Variants in RNF13 observed in about 807,000 individuals in gnomAD.
The protein encoded by RNF13 is E3 ubiquitin-protein ligase RNF13.
A neutral mutation model predicts 37.7 loss-of-function variants in RNF13; 19 were observed. The observed-to-expected ratio is 0.50, with a 90% confidence interval of 0.35 to 0.74. The LOEUF is 0.74. RNF13 is among the 30% of genes least tolerant of loss of function. RNF13 has a pLI of 0.01. For missense variants in RNF13, 375 were observed against 453.0 expected, an observed-to-expected ratio of 0.83 and a Z score of 1.56; for synonymous variants, 144 against 157.8, an observed-to-expected ratio of 0.91 and a Z score of 0.65.
intron 3 of RNF13, among the ~76,000 whole-genome samples, chr3:149,869,377 G>A (rs1449569277): frequency 2.0e-5 from 3 of 151,540 alleles, no homozygotes; most frequent in Non-Finnish European, 4.4e-5. Context: ...AGGCTGAGGC[G>A]GGCGGATCAC....
intron 1 of RNF13, among the ~76,000 whole-genome samples, chr3:149,832,141 A>G (rs540809873): frequency 3.0e-4 from 46 of 152,330 alleles, no homozygotes; most frequent in African/African-American, 9.6e-4. Flanking sequence ...TACTCTGCCT[A>G]TTCTGTTCGC....
At chr3:149,867,300 C>T (rs904982014) in intron 3 of RNF13, among the ~76,000 whole-genome samples, 3 of 151,556 alleles carry the variant, frequency 2.0e-5, no homozygotes, top group Non-Finnish European at 4.4e-5. Flanking sequence ...GAGTCTTGCT[C>T]TGTCACCCAG....
chr3:149,875,162 A>G (rs770535998), intron 4 of RNF13, among the ~76,000 whole-genome samples: 7 of 152,148 alleles, frequency 4.6e-5, no homozygotes, highest in Non-Finnish European at 8.8e-5. Context: ...AACTCCATAC[A>G]TAATACTACA....
At chr3:149,927,102 CT>C (rs1718730179) in intron 8 of RNF13, among the ~76,000 whole-genome samples, 1 of 152,192 alleles carries the variant, frequency 6.6e-6, no homozygotes, top group South Asian at 2.1e-4. Flanking sequence ...ACTTCTTTAT[CT>C]TCCCAAACTG....
At chr3:149,843,301 G>A (rs1266146790) in intron 1 of RNF13, among the ~76,000 whole-genome samples, 2 of 152,130 alleles carry the variant, frequency 1.3e-5, no homozygotes, top group African/African-American at 4.8e-5. Context: ...TCCGCAGGGA[G>A]TCCTGGAACT....
chr3:149,832,654 G>A (rs1485468018), intron 1 of RNF13, among the ~76,000 whole-genome samples: 1 of 151,984 alleles, frequency 6.6e-6, no homozygotes, highest in Non-Finnish European at 1.5e-5. Context: ...AGTGACTAAA[G>A]AAAACAAGAG....
At chr3:149,860,536 A>G (rs1217663550) in intron 3 of RNF13, among the ~76,000 whole-genome samples, 1 of 151,984 alleles carries the variant, frequency 6.6e-6, no homozygotes, top group East Asian at 1.9e-4. Flanking sequence ...AGTCTCTTCA[A>G]TAAAGAATGC....
chr3:149,926,156 T>C (rs1718623389), intron 8 of RNF13, among the ~76,000 whole-genome samples: 2 of 152,212 alleles, frequency 1.3e-5, no homozygotes, highest in South Asian at 4.1e-4. Context: ...TTTTCTAGTT[T>C]ATGGACCAGA....
chr3:149,946,245 A>G (rs867169324), intron 8 of RNF13, among the ~76,000 whole-genome samples: 4 of 152,250 alleles, frequency 2.6e-5, no homozygotes, highest in Middle Eastern at 3.2e-3. Flanking sequence ...GCTGAAAACC[A>G]TGGCATGAGA....
At position 149,813,241 on chromosome 3, in the gene RNF13, A is replaced by G. The variant is rs1415274663; in HGVS notation, c.-129A>G. On this transcript the variant is annotated 5_prime_UTR_variant, in exon 1 of 10. Transcript: ENST00000392894. ...CCTAGGTGTTGTCGTCCCTGCTAGT[A>G]CTCCGGGCTGTGGGGGTCGGTGCGG... 1.3e-5 allele frequency: 2 copies of G among 151,480 alleles called. No individual in the cohort carries two copies. The highest frequency in any genetic ancestry group is 2.9e-5 in the Non-Finnish European group (2 of 68,108). 9.4% of individuals were successfully genotyped at this position (151,480 alleles called of 1,614,324 possible). A position where few individuals can be genotyped will look rare whatever the true frequency, so the allele number is the denominator to read the frequency against.
chr3:149,918,567 T>C (rs1717784829), intron 7 of RNF13, among the ~76,000 whole-genome samples: 1 of 152,164 alleles, frequency 6.6e-6, no homozygotes, highest in Admixed American at 6.6e-5. Context: ...ATGCAGGGTC[T>C]TGCTCTATCA....
At chr3:149,892,562 G>A (rs1377555017) in intron 4 of RNF13, among the ~76,000 whole-genome samples, 3 of 152,156 alleles carry the variant, frequency 2.0e-5, no homozygotes, top group Non-Finnish European at 4.4e-5. Flanking sequence ...GAAATGGGCC[G>A]CATGGCAGGA....
intron 5 of RNF13, among the ~76,000 whole-genome samples, chr3:149,897,571 A>T (rs1389859673): frequency 6.6e-6 from 1 of 152,140 alleles, no homozygotes; most frequent in Non-Finnish European, 1.5e-5. Context: ...TTGTTCAAAG[A>T]CTGCTCAGAA....
chr3:149,815,811 G>A (rs1171986740), intron 1 of RNF13, among the ~76,000 whole-genome samples: 1 of 152,158 alleles, frequency 6.6e-6, no homozygotes, highest in African/African-American at 2.4e-5. Flanking sequence ...AGCTAATATT[G>A]ATTGGTTAAT....
intron 3 of RNF13, among the ~76,000 whole-genome samples, chr3:149,856,080 A>G (rs1037714021): frequency 6.6e-6 from 1 of 152,164 alleles, no homozygotes; most frequent in African/African-American, 2.4e-5. Flanking sequence ...GTTTACATTT[A>G]AAAGATATGT....
chr3:149,863,206 A>G (rs1377567691), intron 3 of RNF13, among the ~76,000 whole-genome samples: 1 of 152,206 alleles, frequency 6.6e-6, no homozygotes, highest in Non-Finnish European at 1.5e-5. Context: ...TATCAACTTT[A>G]ATTAACCAGG....
At chr3:149,957,717 A>G (rs749168948) in intron 8 of RNF13, among the ~76,000 whole-genome samples, 13 of 152,230 alleles carry the variant, frequency 8.5e-5, no homozygotes, top group Non-Finnish European at 1.9e-4. Context: ...AACACCATGT[A>G]AATTACTCTA....
chr3:149,920,879 T>A (rs1455538758), intron 7 of RNF13, among the ~76,000 whole-genome samples: 7 of 151,860 alleles, frequency 4.6e-5, no homozygotes, highest in Non-Finnish European at 8.8e-5. Context: ...TTATATGATT[T>A]TTATAATGTC....
chr3:149,834,064 T>G lies in RNF13; in HGVS notation c.-16-11947T>G, dbSNP rs528411353. Among the ~76,000 whole-genome samples the G allele has an allele frequency of 6.7e-4, 102 of 151,684 alleles. 1 individual carries two copies. The highest frequency in any genetic ancestry group is 2.3e-3 in the African/African-American group (95 of 41,344). On this transcript the variant is annotated intron_variant, in intron 1 of 9. Transcript: ENST00000392894. ...ATAGTAATAAATTAAACCAAGGAGG[T>G]GGAAGAATTGTACACTGAAAATTGT...
Sources: gnomAD v4.1 joint callset for allele counts (sites outside exome capture counted in the v4.1 genomes callset) on GRCh38, gnomAD v4.1.1 for gene constraint, MANE v1.5 for transcripts, NCBI Gene and HGNC (gene_info 2026-07-23, HGNC 2026-07-21) for gene names.